HFM1: variants seen among roughly 807,000 people sequenced by gnomAD.
The protein encoded by HFM1 is probable ATP-dependent DNA helicase HFM1.
Under a neutral mutation model 192.1 loss-of-function variants are expected in HFM1, and 169 were observed. The ratio of observed to expected loss-of-function variants is 0.88; its 90% confidence interval spans 0.78 to 1.00. The LOEUF (loss-of-function observed/expected upper bound fraction) is 1.00. HFM1 is among the 50% of genes least tolerant of loss of function. The probability of loss-of-function intolerance (pLI) is 0.00; values close to 1 mark genes in which losing one functional copy is unlikely to be tolerated. For synonymous variants in HFM1, 525 were observed against 537.8 expected, an observed-to-expected ratio of 0.98 and a Z score of 0.33; for missense variants, 1,661 against 1,668.0, an observed-to-expected ratio of 1.00 and a Z score of 0.07.
Position 91,379,214 on chromosome 1 carries a change from A to T in HFM1, c.1007T>A (p.Met336Lys). 1 of 1,589,264 alleles carries T rather than the reference A, an allele frequency of 6.3e-7. No homozygotes were observed. Among genetic ancestry groups the T allele is most frequent in the Non-Finnish European group, 8.5e-7 (1 of 1,171,482 alleles). Residue 336 changes from methionine to lysine, a missense_variant and splice_region_variant, in exon 9 of 39, where the codon ATG becomes AAG. Met to Lys is a moderately conservative substitution (Grantham distance 95). Coordinates refer to ENST00000370425, the MANE Select transcript of HFM1 (RefSeq NM_001017975.6). ...ACTGCACAAGGCTTTTATTGGTGCC[A>T]CTGTAACAATATAAAATATTTACTT... is the stretch of plus-strand genomic sequence containing the variant. ...LPWLNIKIVY[M>K]APIKALCSQR... is the part of the protein sequence containing the mutation.
Position 91,379,055 on chromosome 1 carries a change from A to G in HFM1, c.1158+8T>C, listed in dbSNP as rs1209868705. Reference sequence around the variant, plus strand: ...CTAAAGAAATCATAAAGTATAAATAATACCTACTGGAGTTGTCATAATAAT... The same window carrying G: ...CTAAAGAAATCATAAAGTATAAATAGTACCTACTGGAGTTGTCATAATAAT... On this transcript the variant is annotated splice_region_variant and intron_variant, in intron 9 of 38. Transcript: ENST00000370425. The G allele has an allele frequency of 8.7e-6, 13 of 1,502,058 alleles. No individual in the cohort carries two copies. Among genetic ancestry groups the G allele is most frequent in the African/African-American group, 2.9e-5 (2 of 69,522 alleles). 93.0% of individuals were successfully genotyped at this position (1,502,058 alleles called of 1,614,324 possible). A position where few individuals can be genotyped will look rare whatever the true frequency, so the allele number is the denominator to read the frequency against.
At chr1:91,285,277 T>C (rs1260904586) in intron 30 of HFM1, among the ~76,000 whole-genome samples, 1 of 152,220 alleles carries the variant, frequency 6.6e-6, no homozygotes, top group Admixed American at 6.5e-5. Flanking sequence ...TTATTTTATA[T>C]TCCCTAAGGT....
rs991516716 is a variant in HFM1, at chr1:91,369,342, G to C, written c.1685+6016C>G. Among the ~76,000 whole-genome samples the C allele has an allele frequency of 9.2e-5, 14 of 152,192 alleles. No individual in the cohort carries two copies. In the South Asian group the frequency reaches 1.5e-3, roughly 16 times the overall value. ...CACCTATTCCAAAATTGACCACATA[G>C]TTGGAAGTAAAGCACTCCTCAGCAA... On this transcript the variant is annotated intron_variant, in intron 13 of 38. Transcript: ENST00000370425.
At chr1:91,404,668 C>A (rs1276403694) in intron 1 of HFM1, 130 bp downstream of exon 1, 2 of 286,064 alleles carry the variant, frequency 7.0e-6, no homozygotes, top group Non-Finnish European at 1.4e-5. Context: ...CGCGCCCGTC[C>A]GCTGCCTGCC....
chr1:91,293,646 C>T (rs1232314452), intron 30 of HFM1, among the ~76,000 whole-genome samples: 1 of 151,500 alleles, frequency 6.6e-6, no homozygotes, highest in Non-Finnish European at 1.5e-5. Flanking sequence ...TGTGGCGATT[C>T]CTCAGGGATC....
chr1:91,382,797 C>G (rs552742497), intron 6 of HFM1, among the ~76,000 whole-genome samples: 2 of 152,182 alleles, frequency 1.3e-5, no homozygotes, highest in Non-Finnish European at 2.9e-5. Context: ...AACTCAACTG[C>G]TAACATCATT....
chr1:91,350,892 A>G, intron 17 of HFM1, 21 bp from the exon 18 acceptor site: 1 of 1,555,412 alleles, frequency 6.4e-7, no homozygotes. Context: ...AAAACTTTGC[A>G]TTATGAATAT....
intron 23 of HFM1, 135 bp downstream of exon 23, chr1:91,322,813 CTG>C (rs1371822091): frequency 4.2e-6 from 2 of 472,960 alleles, no homozygotes; most frequent in East Asian, 7.1e-5. Context: ...ATTTTAAAGT[CTG>C]AGAGTTGTAA....
Position 91,352,421 on chromosome 1 carries a change from A to G in HFM1, c.1977+85T>C. On this transcript the variant is annotated intron_variant, in intron 16 of 38. Coordinates refer to ENST00000370425, the MANE Select transcript of HFM1 (RefSeq NM_001017975.6). Reference sequence around the variant, plus strand: ...CTATATTACTTTTAAGCCTGATACAATTATGACATGCTAATCAAAAAATAC... The same window carrying G: ...CTATATTACTTTTAAGCCTGATACAGTTATGACATGCTAATCAAAAAATAC... 5 of 1,026,636 alleles carry G rather than the reference A, an allele frequency of 4.9e-6. No homozygotes were observed. The South Asian group carries it at 7.7e-5, about 16-fold the overall frequency. 63.6% of individuals were successfully genotyped at this position (1,026,636 alleles called of 1,614,324 possible).
intron 13 of HFM1, among the ~76,000 whole-genome samples, chr1:91,372,878 A>G (rs282041): frequency 1 from 152,006 of 152,192 alleles, 75,910 homozygotes; most frequent in East Asian, 1. Context: ...CTACTTTTTG[A>G]CTGTGAGCTC....
At chr1:91,333,848 A>G (rs1047597683) in intron 20 of HFM1, among the ~76,000 whole-genome samples, 6 of 152,202 alleles carry the variant, frequency 3.9e-5, no homozygotes, top group African/African-American at 1.4e-4. Context: ...TGTAGAAGAC[A>G]CAATCTCTAG....
intron 13 of HFM1, among the ~76,000 whole-genome samples, 198 bp downstream of exon 13, chr1:91,375,160 T>G (rs890589019): frequency 3.9e-5 from 6 of 152,046 alleles, no homozygotes; most frequent in Admixed American, 3.9e-4. Flanking sequence ...TGGATAATCT[T>G]TATCATTCAA....
chr1:91,398,207 T>C (rs1663901887), intron 2 of HFM1, among the ~76,000 whole-genome samples: 1 of 152,234 alleles, frequency 6.6e-6, no homozygotes, highest in African/African-American at 2.4e-5. Flanking sequence ...GAAAGAGGAA[T>C]AATAGCTGTA....
At chr1:91,289,609 T>A (rs1309927042) in intron 30 of HFM1, among the ~76,000 whole-genome samples, 1 of 152,124 alleles carries the variant, frequency 6.6e-6, no homozygotes, top group Non-Finnish European at 1.5e-5. Context: ...TCTGCAATCC[T>A]GGCACCTTGG....
chr1:91,379,143 T>A lies in HFM1; in HGVS notation c.1078A>T (p.Asn360Tyr). 3 of 1,608,772 alleles carry A rather than the reference T, an allele frequency of 1.9e-6. No homozygotes were observed. The East Asian group carries it at 6.7e-5, about 36-fold the overall frequency. Residue 360 changes from asparagine to tyrosine, a missense_variant, in exon 9 of 39, where the codon AAT (asparagine) becomes TAT (tyrosine). Transcript: ENST00000370425. ...WKEKFGPIGL[N>Y]CKELTGDTVM... Reference sequence around the variant, plus strand: ...GTATCTCCAGTAAGTTCTTTACAATTCAATCCTATTGGTCCAAATTTTTCT... The same window carrying A: ...GTATCTCCAGTAAGTTCTTTACAATACAATCCTATTGGTCCAAATTTTTCT...
intron 30 of HFM1, among the ~76,000 whole-genome samples, chr1:91,280,987 C>G (rs1209797952): frequency 1.3e-5 from 2 of 152,132 alleles, no homozygotes; most frequent in Non-Finnish European, 2.9e-5. Flanking sequence ...CTAGGGGATG[C>G]TAATGATTTA....
At chr1:91,372,862 C>T (rs1660418112) in intron 13 of HFM1, among the ~76,000 whole-genome samples, 1 of 152,076 alleles carries the variant, frequency 6.6e-6, no homozygotes, top group South Asian at 2.1e-4. Context: ...ACCTCTCAGA[C>T]TTCATCTACT....
In HFM1 at chr1:91,332,168, C is replaced by T. The variant is rs117565825; in HGVS notation, c.2336-7402G>A. ...CCAAAGCTAGTCTAAGCAAAAAGAACAAAACTGGAGGAATTACATTACCTG... is the reference window on the plus strand; with the variant it reads ...CCAAAGCTAGTCTAAGCAAAAAGAATAAAACTGGAGGAATTACATTACCTG... On this transcript the variant is annotated intron_variant, in intron 20 of 38. Coordinates refer to ENST00000370425, the MANE Select transcript of HFM1 (RefSeq NM_001017975.6). Among the ~76,000 whole-genome samples the T allele has an allele frequency of 1.7e-3, 263 of 152,118 alleles. 2 individuals are homozygous for T. The East Asian group carries it at 0.028, about 16-fold the overall frequency.
chr1:91,323,350 T>C, intron 21 of HFM1, 151 bp from the exon 22 acceptor site: 4 of 569,072 alleles, frequency 7.0e-6, no homozygotes, highest in Non-Finnish European at 1.2e-5. Flanking sequence ...TTATACATTT[T>C]GCTTCTTTAA....
Sources: gnomAD v4.1 joint callset for allele counts (sites outside exome capture counted in the v4.1 genomes callset) on GRCh38, gnomAD v4.1.1 for gene constraint, MANE v1.5 for transcripts, NCBI Gene and HGNC (gene_info 2026-07-23, HGNC 2026-07-21) for gene names.